Variants in CDH7 observed in about 807,000 individuals in gnomAD.
CDH7 encodes cadherin-7.
A neutral mutation model predicts 71.8 loss-of-function variants in CDH7; 25 were observed. That is an observed-to-expected ratio of 0.35 (90% confidence interval 0.25 to 0.49). The LOEUF is 0.49. Among genes scored for constraint, CDH7 ranks in the 20% least tolerant of loss-of-function variants. The pLI, the probability that CDH7 is intolerant of heterozygous loss-of-function variation, is 0.99. For missense variants in CDH7, 862 were observed against 974.6 expected, an observed-to-expected ratio of 0.88 and a Z score of 1.54; for synonymous variants, 381 against 363.8, an observed-to-expected ratio of 1.05 and a Z score of -0.54.
At chr18:65,774,426 T>G (rs1291275124) in intron 2 of CDH7, among the ~76,000 whole-genome samples, 16 of 152,068 alleles carry the variant, frequency 1.1e-4, no homozygotes, top group Non-Finnish European at 2.2e-4. Flanking sequence ...CATTATTTGC[T>G]TTTGCTTACC....
rs3061822 is a variant in CDH7, at chr18:65,829,775, AGTGTGT to A, written c.981+4981_981+4986del. Among the ~76,000 whole-genome samples, 719 of 138,188 alleles carry A rather than the reference AGTGTGT, an allele frequency of 5.2e-3. 2 individuals are homozygous for A. Among genetic ancestry groups the A allele is most frequent in the East Asian group, 0.026 (119 of 4,516 alleles). The allele number at this position is 138,188 out of a possible 152,430, so 90.7% of individuals were successfully genotyped here. ...AGATGCATTTTTTTTCAAGGAAGGG[AGTGTGT>A]GTGTGTGTGTGTGTGTGTGTGTGTG... On this transcript the variant is annotated intron_variant, in intron 6 of 11. Coordinates refer to ENST00000397968, the MANE Select transcript of CDH7 (RefSeq NM_004361.5).
At chr18:65,845,491 C>A (rs1356168868) in intron 7 of CDH7, among the ~76,000 whole-genome samples, 1 of 152,050 alleles carries the variant, frequency 6.6e-6, no homozygotes. Flanking sequence ...TTTCTGACTG[C>A]AGTTCAGCCC....
In CDH7 at chr18:65,883,135, T is replaced by C. The variant is rs1237132709; in HGVS notation, c.*2241T>C. 1.3e-5 allele frequency: 2 copies of C among 152,064 alleles called. No homozygotes were observed. The highest frequency in any genetic ancestry group is 3.9e-4 in the East Asian group (2 of 5,188). 9.4% of individuals were successfully genotyped at this position (152,064 alleles called of 1,614,324 possible). ...GGAAAAAGAAAGGTTCATGTTTAAA[T>C]AATAATTTAAAATTATTGCATATAC... On this transcript the variant is annotated 3_prime_UTR_variant, in exon 12 of 12. Transcript: ENST00000397968.
chr18:65,767,096 T>A (rs1168514473), intron 2 of CDH7, among the ~76,000 whole-genome samples: 1 of 150,002 alleles, frequency 6.7e-6, no homozygotes, highest in African/African-American at 2.4e-5. Context: ...TTTCTTTCTT[T>A]TTTTTTTTTT....
At chr18:65,818,515 A>G (rs1362771087) in intron 4 of CDH7, among the ~76,000 whole-genome samples, 2 of 152,190 alleles carry the variant, frequency 1.3e-5, no homozygotes, top group Admixed American at 6.5e-5. Context: ...TCATATTGGA[A>G]TTTTCTTCCT....
intron 10 of CDH7, among the ~76,000 whole-genome samples, chr18:65,861,496 G>GAA (rs1391938737): frequency 2.6e-5 from 4 of 151,906 alleles, no homozygotes; most frequent in African/African-American, 4.9e-5. Flanking sequence ...AAATGTACAG[G>GAA]AACTTACTCA....
intron 7 of CDH7, among the ~76,000 whole-genome samples, chr18:65,856,690 G>A (rs534869608): frequency 6.6e-6 from 1 of 152,178 alleles, no homozygotes; most frequent in Admixed American, 6.5e-5. Context: ...CCTAAAGTGG[G>A]TGTGTGTTTT....
At chr18:65,773,751 GTCCAA>G (rs1824488767) in intron 2 of CDH7, among the ~76,000 whole-genome samples, 2 of 152,078 alleles carry the variant, frequency 1.3e-5, no homozygotes. Flanking sequence ...AAGGGATTGT[GTCCAA>G]TCCAAGCGTA....
chr18:65,794,562 G>A (rs1910838398), intron 2 of CDH7, among the ~76,000 whole-genome samples: 1 of 151,834 alleles, frequency 6.6e-6, no homozygotes, highest in Non-Finnish European at 1.5e-5. Flanking sequence ...AACCAGTTGG[G>A]GGTCGGGAGC....
In CDH7 at chr18:65,888,588, A is replaced by G. The variant is rs1286028976; in HGVS notation, c.*7694A>G. 6.6e-6 allele frequency: 1 copy of G among 152,216 alleles called. No homozygotes were observed. Among genetic ancestry groups the G allele is most frequent in the Admixed American group, 6.5e-5 (1 of 15,274 alleles). The allele number at this position is 152,216 out of a possible 1,614,324, so 9.4% of individuals were successfully genotyped here. A position where few individuals can be genotyped will look rare whatever the true frequency, so the allele number is the denominator to read the frequency against. On this transcript the variant is annotated 3_prime_UTR_variant, in exon 12 of 12. Coordinates refer to ENST00000397968, the MANE Select transcript of CDH7 (RefSeq NM_004361.5). ...ATTTTTAATATAAAAGTATCACAAT[A>G]AAGTTTTTCCACAGATATGTAATTT...
upstream of CDH7, chr18:65,750,894 G>C (rs1915848958): frequency 6.6e-6 from 1 of 152,176 alleles, no homozygotes; most frequent in Non-Finnish European, 1.5e-5. Context: ...GTGAGCAGAC[G>C]CAGCGGGCCC....
intron 2 of CDH7, among the ~76,000 whole-genome samples, chr18:65,791,745 T>A (rs1910719403): frequency 6.6e-6 from 1 of 152,254 alleles, no homozygotes; most frequent in Non-Finnish European, 1.5e-5. Flanking sequence ...GTAATGTATG[T>A]AATCCTGCGA....
chr18:65,777,707 C>G (rs1416563749), intron 2 of CDH7, among the ~76,000 whole-genome samples: 1 of 152,048 alleles, frequency 6.6e-6, no homozygotes. Flanking sequence ...CAAATTATAA[C>G]TATTATGTAA....
intron 7 of CDH7, among the ~76,000 whole-genome samples, chr18:65,846,417 A>G (rs1412011817): frequency 2.6e-5 from 4 of 152,178 alleles, no homozygotes; most frequent in African/African-American, 7.2e-5. Context: ...AGAGAAATAG[A>G]TAGACTTTGT....
intron 2 of CDH7, among the ~76,000 whole-genome samples, chr18:65,772,235 G>A (rs567145209): frequency 1.8e-4 from 28 of 152,274 alleles, no homozygotes; most frequent in African/African-American, 6.3e-4. Flanking sequence ...TGATTTGTGA[G>A]TCATTTAAGG....
rs1214637328 is a variant in CDH7, at chr18:65,753,221, G to A, written c.-197+2071G>A. ...TATTCAGCATTTTGCTTTTTTGATG[G>A]CAAAGCTGATATAAACTCCTCAGAG... On this transcript the variant is annotated intron_variant, in intron 1 of 11. Transcript: ENST00000397968. Among the ~76,000 whole-genome samples, 5 of 152,228 alleles carry A rather than the reference G, an allele frequency of 3.3e-5. No homozygotes were observed. The East Asian group carries it at 9.7e-4, about 29-fold the overall frequency.
chr18:65,858,552 T>C (rs1425785806), intron 8 of CDH7, among the ~76,000 whole-genome samples: 1 of 151,904 alleles, frequency 6.6e-6, no homozygotes. Flanking sequence ...CTTTCAACAA[T>C]TTTCTCATCA....
Position 65,889,012 on chromosome 18 carries a change from T to C in CDH7, c.*8118T>C, listed in dbSNP as rs1301974835. ...AAATAATTTAATCAGGAAGTGACAT[T>C]AAATTCTGTTTCAATGTAATGAGAA... On this transcript the variant is annotated 3_prime_UTR_variant, in exon 12 of 12. Coordinates refer to ENST00000397968, the MANE Select transcript of CDH7 (RefSeq NM_004361.5). 4 of 152,172 alleles carry C rather than the reference T, an allele frequency of 2.6e-5. No individual in the cohort carries two copies. The East Asian group carries it at 7.7e-4, about 29-fold the overall frequency. 9.4% of individuals were successfully genotyped at this position (152,172 alleles called of 1,614,324 possible). A position where few individuals can be genotyped will look rare whatever the true frequency, so the allele number is the denominator to read the frequency against.
chr18:65,880,793 T>C lies in CDH7; in HGVS notation c.2257T>C (p.Ser753Pro), dbSNP rs746352569. 1.2e-6 allele frequency: 2 copies of C among 1,613,958 alleles called. No individual in the cohort carries two copies. Among genetic ancestry groups the C allele is most frequent in the Non-Finnish European group, 1.7e-6 (2 of 1,179,936 alleles). The change falls in exon 12 of 12, where the codon TCA becomes CCA. Residue 753 changes from serine (S) to proline (P), a missense_variant. Coordinates refer to ENST00000397968, the MANE Select transcript of CDH7 (RefSeq NM_004361.5). ...ESLSSLDSISSNSDQNYDYLS... is the reference protein window; with the variant it reads ...ESLSSLDSISPNSDQNYDYLS... ...ACTCAGCTCTTTAGATTCCATCAGC[T>C]CAAACTCTGATCAGAACTATGACTA...
Sources: gnomAD v4.1 joint callset for allele counts (sites outside exome capture counted in the v4.1 genomes callset) on GRCh38, gnomAD v4.1.1 for gene constraint, MANE v1.5 for transcripts, NCBI Gene and HGNC (gene_info 2026-07-23, HGNC 2026-07-21) for gene names.